CCDC149: variants seen among roughly 807,000 people sequenced by gnomAD.
CCDC149 encodes the protein coiled-coil domain-containing protein 149.
Under a neutral mutation model 59.9 loss-of-function variants are expected in CCDC149, and 45 were observed. The observed-to-expected ratio is 0.75, with a 90% CI of 0.59 to 0.96. The LOEUF (loss-of-function observed/expected upper bound fraction) is 0.96. Ranked by LOEUF, CCDC149 falls within the 40% of genes least tolerant of loss-of-function variation. CCDC149 has a pLI of 0.00. For missense variants in CCDC149, 584 were observed against 664.7 expected, an observed-to-expected ratio of 0.88 and a Z score of 1.33; for synonymous variants, 245 against 260.6, an observed-to-expected ratio of 0.94 and a Z score of 0.58.
intron 5 of CCDC149, 128 bp downstream of exon 5, chr4:24,838,028 G>A (rs1336732343): frequency 1.3e-6 from 1 of 785,894 alleles, no homozygotes; most frequent in Non-Finnish European, 2.2e-6. Flanking sequence ...TGCTGAGGAA[G>A]TAAAAGCATT....
chr4:24,931,228 A>T (rs1722575196), intron 1 of CCDC149, among the ~76,000 whole-genome samples: 2 of 148,884 alleles, frequency 1.3e-5, no homozygotes, highest in South Asian at 4.2e-4. Context: ...ATAATGTATT[A>T]TAAAATATTT....
At chr4:24,844,672 C>T (rs925696054) in intron 4 of CCDC149, among the ~76,000 whole-genome samples, 4 of 152,124 alleles carry the variant, frequency 2.6e-5, no homozygotes, top group Non-Finnish European at 4.4e-5. Context: ...ACGCAGGAGG[C>T]TGAGGCAGTT....
At chr4:24,921,666 T>C (rs573598263) in intron 1 of CCDC149, among the ~76,000 whole-genome samples, 2 of 152,342 alleles carry the variant, frequency 1.3e-5, no homozygotes, top group Non-Finnish European at 2.9e-5. Flanking sequence ...AGCGCCCACA[T>C]GTGGGAATGG....
At position 24,856,292 on chromosome 4, in the gene CCDC149, G is replaced by A. The variant is rs546281374; in HGVS notation, c.265-3113C>T. On this transcript the variant is annotated intron_variant, in intron 3 of 12. Coordinates refer to ENST00000635206, the MANE Select transcript of CCDC149 (RefSeq NM_001330643.2). Reference sequence around the variant, plus strand: ...GCACTGTTTTAGACCTGGAGATACAGCAGCAAACAATACAGACAAAACCCT... The same window carrying A: ...GCACTGTTTTAGACCTGGAGATACAACAGCAAACAATACAGACAAAACCCT... Among the ~76,000 whole-genome samples, 94 of 152,344 alleles carry A rather than the reference G, an allele frequency of 6.2e-4. 3 individuals are homozygous for A. In the South Asian group the frequency reaches 7.5e-3, roughly 12 times the overall value.
intron 3 of CCDC149, 59 bp from the exon 4 acceptor site, chr4:24,853,238 G>A (rs1717780635): frequency 8.0e-7 from 1 of 1,242,792 alleles, no homozygotes; most frequent in Non-Finnish European, 1.2e-6. Flanking sequence ...ATGAATGCAG[G>A]GCTTCATTGG....
intron 10 of CCDC149, among the ~76,000 whole-genome samples, chr4:24,821,328 C>G (rs529892562): frequency 1.3e-5 from 2 of 151,994 alleles, no homozygotes; most frequent in African/African-American, 2.4e-5. Context: ...TACAAATACA[C>G]GATCAATTTG....
At chr4:24,850,036 T>G (rs1441912930) in intron 4 of CCDC149, among the ~76,000 whole-genome samples, 1 of 152,242 alleles carries the variant, frequency 6.6e-6, no homozygotes, top group Non-Finnish European at 1.5e-5. Flanking sequence ...AGTTTGCTTT[T>G]CTGGTTCCTT....
chr4:24,874,538 C>A (rs1405741598), intron 2 of CCDC149, among the ~76,000 whole-genome samples: 1 of 151,988 alleles, frequency 6.6e-6, no homozygotes, highest in Admixed American at 6.6e-5. Flanking sequence ...GCAGAGATTG[C>A]ACCACTGCAC....
intron 1 of CCDC149, among the ~76,000 whole-genome samples, chr4:24,908,030 A>G (rs1721638027): frequency 6.6e-6 from 1 of 152,098 alleles, no homozygotes; most frequent in African/African-American, 2.4e-5. Context: ...TGATAAGGAC[A>G]CCAGGTCATT....
intron 1 of CCDC149, among the ~76,000 whole-genome samples, chr4:24,952,109 G>C (rs548550095): frequency 2.4e-4 from 37 of 152,148 alleles, no homozygotes; most frequent in African/African-American, 8.7e-4. Flanking sequence ...CTCTCAATTA[G>C]GCTTTAGGGC....
chr4:24,860,668 T>C lies in CCDC149; in HGVS notation c.265-7489A>G, dbSNP rs111318167. On this transcript the variant is annotated intron_variant, in intron 3 of 12. Coordinates refer to ENST00000635206, the MANE Select transcript of CCDC149 (RefSeq NM_001330643.2). ...CAGAGTAAACAGACAACCCACAGAG[T>C]GGGAGAAAAATCTTTGCAAACTATG... is the stretch of plus-strand genomic sequence containing the variant. 9.0e-4 allele frequency among the ~76,000 whole-genome samples: 137 copies of C among 151,724 alleles called. 1 individual carries two copies. The highest frequency in any genetic ancestry group is 3.2e-3 in the African/African-American group (132 of 41,376).
At chr4:24,972,448 C>A (rs1723999957) in intron 1 of CCDC149, among the ~76,000 whole-genome samples, 1 of 152,106 alleles carries the variant, frequency 6.6e-6, no homozygotes. Context: ...GCTGGGACTA[C>A]AGGCACGCAC....
intron 1 of CCDC149, among the ~76,000 whole-genome samples, chr4:24,930,015 G>A (rs1722541448): frequency 6.6e-6 from 1 of 152,152 alleles, no homozygotes; most frequent in African/African-American, 2.4e-5. Flanking sequence ...CAAGAAAAGT[G>A]TTTATCAAAG....
chr4:24,838,139 T>G lies in CCDC149; in HGVS notation c.489+17A>C, dbSNP rs201486771. The G allele has an allele frequency of 6.4e-7, 1 of 1,574,692 alleles. No individual in the cohort carries two copies. The highest frequency in any genetic ancestry group is 2.2e-5 in the East Asian group (1 of 44,736). On this transcript the variant is annotated intron_variant, in intron 5 of 12. Transcript: ENST00000635206. ...GTGCAAATGCATCCCCCACTCTGAA[T>G]AGATGTTAGTGAGAACCTGTTCCTT...
At chr4:24,945,618 C>T (rs1159050011) in intron 1 of CCDC149, among the ~76,000 whole-genome samples, 1 of 138,534 alleles carries the variant, frequency 7.2e-6, no homozygotes, top group Non-Finnish European at 1.5e-5. Context: ...TTGTTATATG[C>T]CCTAACTTTT....
chr4:24,825,857 T>TAGGA (rs972910635), intron 9 of CCDC149, among the ~76,000 whole-genome samples: 1 of 151,890 alleles, frequency 6.6e-6, no homozygotes, highest in African/African-American at 2.4e-5. Context: ...CAGAGACCAG[T>TAGGA]AGGAACCCAG....
chr4:24,941,310 G>A (rs567296852), intron 1 of CCDC149, among the ~76,000 whole-genome samples: 92 of 152,228 alleles, frequency 6.0e-4, no homozygotes, highest in African/African-American at 2.0e-3. Flanking sequence ...GGTACATAAC[G>A]AAATGAAGGC....
chr4:24,833,919 T>A (rs1231100771), intron 8 of CCDC149, among the ~76,000 whole-genome samples: 1 of 152,220 alleles, frequency 6.6e-6, no homozygotes, highest in Admixed American at 6.5e-5. Context: ...AGAAAGGCTG[T>A]GCCAGATTTA....
intron 1 of CCDC149, among the ~76,000 whole-genome samples, chr4:24,934,937 A>C (rs1722697834): frequency 6.6e-6 from 1 of 152,256 alleles, no homozygotes; most frequent in African/African-American, 2.4e-5. Context: ...TCAGATCTTT[A>C]TATTTTATTA....
Sources: allele counts gnomAD v4.1 joint callset (sites outside exome capture counted in the v4.1 genomes callset), GRCh38; gene constraint gnomAD v4.1.1; transcripts MANE v1.5; gene names NCBI Gene and HGNC (gene_info 2026-07-23, HGNC 2026-07-21).